Variants in DENND1A observed in about 807,000 individuals in gnomAD.
DENND1A encodes the protein DENN domain-containing protein 1A.
A neutral mutation model predicts 113.7 loss-of-function variants in DENND1A; 51 were observed. The ratio of observed to expected loss-of-function variants is 0.45; its 90% confidence interval spans 0.36 to 0.57. DENND1A has a LOEUF of 0.57. Among genes scored for constraint, DENND1A ranks in the 20% least tolerant of loss-of-function variants. The pLI is 0.00. For synonymous variants in DENND1A, 565 were observed against 570.8 expected (o/e 0.99, Z 0.14); for missense variants, 1,258 against 1,395.9 (o/e 0.90, Z 1.57).
Position 123,583,271 on chromosome 9 carries a change from C to T in DENND1A, c.766-1G>A. 6.2e-7 allele frequency: 1 copy of T among 1,609,404 alleles called. No individual in the cohort carries two copies. Among genetic ancestry groups the T allele is most frequent in the Non-Finnish European group, 8.5e-7 (1 of 1,177,692 alleles). ...CATCCAGGGCCATGTTTCTGACTTT[C>T]TGCAAGGAGAAAAAAATCCACAAGA... On this transcript the variant is annotated splice_acceptor_variant, in intron 11 of 23. Transcript: ENST00000394215. LOFTEE classifies it high-confidence loss of function.
intron 1 of DENND1A, among the ~76,000 whole-genome samples, chr9:123,904,106 G>A (rs559379503): frequency 2.1e-3 from 318 of 151,980 alleles, no homozygotes; most frequent in Admixed American, 6.1e-3. Flanking sequence ...CCCCCAGCAG[G>A]GGCACACTGA....
chr9:123,653,642 T>C (rs540157053), intron 8 of DENND1A, among the ~76,000 whole-genome samples: 19 of 152,240 alleles, frequency 1.2e-4, no homozygotes, highest in African/African-American at 4.3e-4. Context: ...CATGATTCAG[T>C]CCTGAGTGGG....
chr9:123,390,499 G>C (rs558834137), intron 21 of DENND1A, among the ~76,000 whole-genome samples: 20 of 152,286 alleles, frequency 1.3e-4, no homozygotes, highest in African/African-American at 4.3e-4. Flanking sequence ...GCTTTATAGA[G>C]GCCACTTCTA....
intron 13 of DENND1A, among the ~76,000 whole-genome samples, chr9:123,551,165 T>G (rs2057020949): frequency 6.6e-6 from 1 of 152,208 alleles, no homozygotes; most frequent in Non-Finnish European, 1.5e-5. Flanking sequence ...TGCATCTGAT[T>G]TTCTCCAGGT....
intron 3 of DENND1A, among the ~76,000 whole-genome samples, chr9:123,770,840 G>C (rs1334225392): frequency 6.6e-6 from 1 of 152,142 alleles, no homozygotes; most frequent in African/African-American, 2.4e-5. Context: ...CTGAATTGAT[G>C]CTTCTCGCTT....
intron 4 of DENND1A, among the ~76,000 whole-genome samples, chr9:123,758,524 C>A (rs1399858236): frequency 6.6e-6 from 1 of 152,170 alleles, no homozygotes; most frequent in East Asian, 1.9e-4. Context: ...GAAAACAGGG[C>A]AAGCTTAGGT....
intron 13 of DENND1A, among the ~76,000 whole-genome samples, chr9:123,467,777 C>T (rs916527668): frequency 9.8e-5 from 15 of 152,312 alleles, no homozygotes; most frequent in Middle Eastern, 3.4e-3. Flanking sequence ...CAGGTCCATG[C>T]AGGTGGGGCC....
chr9:123,546,584 T>C (rs766189778), intron 13 of DENND1A, among the ~76,000 whole-genome samples: 19 of 152,068 alleles, frequency 1.2e-4, no homozygotes, highest in Non-Finnish European at 2.4e-4. Context: ...GTATCTCTAT[T>C]GTGCAACACT....
At chr9:123,532,878 A>G (rs959439911) in intron 13 of DENND1A, among the ~76,000 whole-genome samples, 12 of 152,240 alleles carry the variant, frequency 7.9e-5, no homozygotes, top group African/African-American at 2.9e-4. Flanking sequence ...ATTAATCAAC[A>G]AAAAGAAACT....
intron 3 of DENND1A, 45 bp from the exon 4 acceptor site, chr9:123,769,608 TA>T: frequency 6.5e-7 from 1 of 1,531,668 alleles, no homozygotes; most frequent in Non-Finnish European, 8.9e-7. Context: ...ATGGGACCAG[TA>T]AATCTAACAT....
chr9:123,386,053 C>T (rs7041535), intron 22 of DENND1A, among the ~76,000 whole-genome samples: 59,925 of 151,968 alleles, frequency 0.39, 12,156 homozygotes, highest in East Asian at 0.6. Context: ...AATTAAGGCG[C>T]CAGTTAGTTC....
chr9:123,775,852 G>A (rs1280054134), intron 3 of DENND1A, among the ~76,000 whole-genome samples: 6 of 152,138 alleles, frequency 3.9e-5, no homozygotes, highest in Admixed American at 3.3e-4. Context: ...AAAAGCAGTC[G>A]ATAATGGGCC....
At position 123,411,696 on chromosome 9, in the gene DENND1A, A is replaced by G. The variant is rs2044319018; in HGVS notation, c.1542+80T>C. 4.2e-6 allele frequency: 4 copies of G among 957,978 alleles called. No homozygotes were observed. The South Asian group carries it at 1.9e-4, about 46-fold the overall frequency. The allele number at this position is 957,978 out of a possible 1,614,324, so 59.3% of individuals were successfully genotyped here. ...TTCTTTTGCCAGGCAGGAGGGTCCA[A>G]ACTCTGGAGGTTTAGTCAGGCTGAG... On this transcript the variant is annotated intron_variant, in intron 20 of 23. Coordinates refer to ENST00000394215, the MANE Select transcript of DENND1A (RefSeq NM_001352964.2).
intron 23 of DENND1A, among the ~76,000 whole-genome samples, chr9:123,383,331 C>G (rs549167256): frequency 6.6e-6 from 1 of 152,238 alleles, no homozygotes; most frequent in African/African-American, 2.4e-5. Context: ...GGGATGGACG[C>G]AATCCCGGTT....
intron 13 of DENND1A, among the ~76,000 whole-genome samples, chr9:123,510,635 C>T (rs1486037686): frequency 6.6e-6 from 1 of 152,092 alleles, no homozygotes; most frequent in Non-Finnish European, 1.5e-5. Context: ...GACTCCATAC[C>T]ACAGGCCATC....
At chr9:123,915,679 A>G (rs1421096043) in intron 1 of DENND1A, among the ~76,000 whole-genome samples, 1 of 152,172 alleles carries the variant, frequency 6.6e-6, no homozygotes, top group Non-Finnish European at 1.5e-5. Flanking sequence ...TAACAGAGAG[A>G]GATTTATCTA....
chr9:123,432,579 A>G (rs1180925835), intron 19 of DENND1A, among the ~76,000 whole-genome samples: 2 of 152,212 alleles, frequency 1.3e-5, no homozygotes, highest in Non-Finnish European at 2.9e-5. Flanking sequence ...GCTCACTCAC[A>G]CAAAGACATG....
intron 4 of DENND1A, among the ~76,000 whole-genome samples, 200 bp from the exon 5 acceptor site, chr9:123,758,022 C>T (rs528679887): frequency 1.3e-4 from 19 of 150,944 alleles, no homozygotes; most frequent in Non-Finnish European, 2.5e-4. Flanking sequence ...ATTCTAGTGA[C>T]CACCTCAGAA....
intron 19 of DENND1A, chr9:123,414,154 TG>T: frequency 9.9e-7 from 1 of 1,009,618 alleles, no homozygotes; most frequent in African/African-American, 1.7e-5. Flanking sequence ...ATTTACTCCC[TG>T]GGTTACTCCA....
Sources: allele counts gnomAD v4.1 joint callset (sites outside exome capture counted in the v4.1 genomes callset), GRCh38; gene constraint gnomAD v4.1.1; transcripts MANE v1.5; gene names NCBI Gene and HGNC (gene_info 2026-07-23, HGNC 2026-07-21).